The following SBF2 variants were observed in gnomAD, a reference collection of about 807,000 sequenced individuals.
SBF2 encodes SET binding factor 2, also known as myotubularin-related protein 13.
Under a neutral mutation model 225.2 loss-of-function variants are expected in SBF2, and 112 were observed. The ratio of observed to expected loss-of-function variants is 0.50; its 90% CI spans 0.43 to 0.58. The LOEUF (loss-of-function observed/expected upper bound fraction) is 0.58, where lower values mean the gene tolerates loss of function less well. SBF2 is among the 20% of genes least tolerant of loss of function. The probability of loss-of-function intolerance (pLI) is 0.00; values close to 1 mark genes in which losing one functional copy is unlikely to be tolerated. For missense variants in SBF2, 1,996 were observed against 2,206.2 expected (o/e 0.90, Z 1.91); for synonymous variants, 763 against 773.3 (o/e 0.99, Z 0.22).
chr11:9,911,451 C>A (rs1862611756), intron 16 of SBF2, among the ~76,000 whole-genome samples: 1 of 151,574 alleles, frequency 6.6e-6, no homozygotes, highest in Admixed American at 6.6e-5. Flanking sequence ...TATGGCTATA[C>A]AATACCGTGG....
intron 1 of SBF2, among the ~76,000 whole-genome samples, chr11:10,262,499 T>C (rs1317507177): frequency 6.6e-6 from 1 of 152,198 alleles, no homozygotes; most frequent in African/African-American, 2.4e-5. Context: ...CCTGGCAATA[T>C]GATAATTATC....
chr11:10,095,326 G>C (rs1951972205), intron 2 of SBF2, among the ~76,000 whole-genome samples: 1 of 152,152 alleles, frequency 6.6e-6, no homozygotes, highest in African/African-American at 2.4e-5. Flanking sequence ...GATTTAGTCT[G>C]TATCAGCACT....
At chr11:9,785,682 C>T (rs571608232) in intron 36 of SBF2, among the ~76,000 whole-genome samples, 12 of 152,082 alleles carry the variant, frequency 7.9e-5, no homozygotes, top group South Asian at 2.1e-4. Flanking sequence ...GGCAACATGG[C>T]GAAGCCCCAT....
chr11:9,822,550 G>A (rs574170114), intron 28 of SBF2, among the ~76,000 whole-genome samples: 4 of 152,056 alleles, frequency 2.6e-5, no homozygotes, highest in Non-Finnish European at 5.9e-5. Flanking sequence ...GTGAGCCACC[G>A]CACCCGGCCA....
rs1012130160 is a variant in SBF2, at chr11:10,131,138, C to A, written c.141+62764G>T. On this transcript the variant is annotated intron_variant, in intron 2 of 39. Transcript: ENST00000256190. ...CCAGAGCAACTATACTATTTTACAA[C>A]TCCTACCAGCAATGTGTGAGAGACT... Among the ~76,000 whole-genome samples, 4 of 152,276 alleles carry A rather than the reference C, an allele frequency of 2.6e-5. No homozygotes were observed. In the South Asian group the frequency reaches 6.2e-4, roughly 24 times the overall value.
chr11:9,927,349 A>T (rs1340233602), intron 16 of SBF2, among the ~76,000 whole-genome samples: 1 of 152,202 alleles, frequency 6.6e-6, no homozygotes, highest in Non-Finnish European at 1.5e-5. Flanking sequence ...ACTCTACTGG[A>T]AAATTGAGCC....
chr11:10,279,607 C>T (rs72851606), intron 1 of SBF2, among the ~76,000 whole-genome samples: 8,204 of 152,138 alleles, frequency 0.054, 301 homozygotes, highest in Middle Eastern at 0.14. Context: ...CCTACGTGAC[C>T]TGTCACCTCC....
At chr11:10,060,124 C>T (rs1020161416) in intron 2 of SBF2, among the ~76,000 whole-genome samples, 3 of 151,778 alleles carry the variant, frequency 2.0e-5, no homozygotes, top group Admixed American at 2.0e-4. Flanking sequence ...ATAAAACAGG[C>T]CAATAGCTAG....
chr11:10,192,506 G>A (rs1957212698), intron 2 of SBF2, among the ~76,000 whole-genome samples: 1 of 152,132 alleles, frequency 6.6e-6, no homozygotes, highest in South Asian at 2.1e-4. Context: ...CTGTGGGTAA[G>A]GTGCTGAGAT....
chr11:10,294,134 G>A lies in SBF2; in HGVS notation c.-65C>T. 1 of 1,206,098 alleles carries A rather than the reference G, an allele frequency of 8.3e-7. No homozygotes were observed. Among genetic ancestry groups the A allele is most frequent in the South Asian group, 2.5e-5 (1 of 39,820 alleles). The allele number at this position is 1,206,098 out of a possible 1,614,324, so 74.7% of individuals were successfully genotyped here. On this transcript the variant is annotated 5_prime_UTR_variant, in exon 1 of 40. Coordinates refer to ENST00000256190, the MANE Select transcript of SBF2 (RefSeq NM_030962.4). ...CGCCCTCGCCGCCGCCGCCCACCCGGCCCGGGAGGGCTCAGCATTTTCCCT... is the reference window on the plus strand; with the variant it reads ...CGCCCTCGCCGCCGCCGCCCACCCGACCCGGGAGGGCTCAGCATTTTCCCT...
At chr11:10,203,318 G>C (rs1288224811) in intron 1 of SBF2, among the ~76,000 whole-genome samples, 2 of 152,076 alleles carry the variant, frequency 1.3e-5, no homozygotes, top group Non-Finnish European at 2.9e-5. Context: ...ACAGCCAAGA[G>C]GAAAAAACGA....
intron 6 of SBF2, among the ~76,000 whole-genome samples, chr11:10,004,964 T>C (rs1415336599): frequency 6.6e-6 from 1 of 152,120 alleles, no homozygotes; most frequent in Non-Finnish European, 1.5e-5. Context: ...TTACAGCAGG[T>C]AGCTAGCCAG....
chr11:10,137,076 T>C (rs1230690234), intron 2 of SBF2, among the ~76,000 whole-genome samples: 3 of 152,212 alleles, frequency 2.0e-5, no homozygotes, highest in African/African-American at 7.2e-5. Flanking sequence ...TCTTTAATTT[T>C]TTCCCCAACA....
At chr11:9,930,359 G>A in intron 16 of SBF2, among the ~76,000 whole-genome samples, 1 of 151,982 alleles carries the variant, frequency 6.6e-6, no homozygotes, top group Non-Finnish European at 1.5e-5. Flanking sequence ...AAAGAAGCCA[G>A]ACCAAAAAAA....
chr11:10,169,660 C>G (rs528688652), intron 2 of SBF2, among the ~76,000 whole-genome samples: 14 of 152,218 alleles, frequency 9.2e-5, no homozygotes, highest in South Asian at 2.1e-4. Context: ...ATTATCTCTT[C>G]GATAAACTGA....
chr11:9,995,160 C>A (rs1267358310), intron 9 of SBF2, among the ~76,000 whole-genome samples: 1 of 151,946 alleles, frequency 6.6e-6, no homozygotes, highest in Non-Finnish European at 1.5e-5. Context: ...AAGTGCAATA[C>A]ATGAAATGTG....
At chr11:10,137,601 T>C (rs529060148) in intron 2 of SBF2, among the ~76,000 whole-genome samples, 1 of 152,352 alleles carries the variant, frequency 6.6e-6, no homozygotes, top group African/African-American at 2.4e-5. Context: ...TTTTTAAAAA[T>C]TATAAATGGG....
rs1037190823 is a variant in SBF2 at position 10,207,404 on chromosome 11, A to G, written c.56-13417T>C. 1.3e-4 allele frequency among the ~76,000 whole-genome samples: 20 copies of G among 152,162 alleles called. 1 individual carries two copies. The highest frequency in any genetic ancestry group is 8.5e-4 in the Admixed American group (13 of 15,274). On this transcript the variant is annotated intron_variant, in intron 1 of 39. Transcript: ENST00000256190. The stretch of plus-strand genomic sequence containing the variant: ...CCGGAGCATCAGTGGCAAAACAAAA[A>G]TACAAATCCAAGTCATCCTCAATCT...
chr11:9,929,128 A>C (rs569454015), intron 16 of SBF2: 15 of 276,726 alleles, frequency 5.4e-5, no homozygotes, highest in African/African-American at 2.4e-4. Context: ...GCAATCATCA[A>C]AGCTCATCCT....
Sources: gnomAD v4.1 joint callset for allele counts (sites outside exome capture counted in the v4.1 genomes callset) on GRCh38, gnomAD v4.1.1 for gene constraint, MANE v1.5 for transcripts, NCBI Gene and HGNC (gene_info 2026-07-23, HGNC 2026-07-21) for gene names.